Variants in BCKDHB observed in about 807,000 individuals in gnomAD.
BCKDHB encodes the protein 2-oxoisovalerate dehydrogenase subunit beta, mitochondrial.
Under a neutral mutation model 48.5 loss-of-function variants are expected in BCKDHB, and 41 were observed. The observed-to-expected ratio is 0.85, with a 90% CI of 0.66 to 1.10. The LOEUF (loss-of-function observed/expected upper bound fraction) is 1.10, where lower values mean the gene tolerates loss of function less well. Ranked by LOEUF, BCKDHB falls within the 50% of genes least tolerant of loss-of-function variation. The pLI, the probability that BCKDHB is intolerant of heterozygous loss-of-function variation, is 0.00. For synonymous variants in BCKDHB, 201 were observed against 174.8 expected (o/e 1.15, Z -1.18); for missense variants, 496 against 494.2 (o/e 1.00, Z -0.03).
intron 8 of BCKDHB, among the ~76,000 whole-genome samples, chr6:80,268,227 C>CA (rs1417090711): frequency 6.6e-6 from 1 of 151,940 alleles, no homozygotes; most frequent in Non-Finnish European, 1.5e-5. Flanking sequence ...GAAAACGTCT[C>CA]AAAAAATGTA....
intron 8 of BCKDHB, among the ~76,000 whole-genome samples, chr6:80,243,854 A>C (rs1245050610): frequency 1.3e-5 from 2 of 152,218 alleles, no homozygotes; most frequent in East Asian, 1.9e-4. Flanking sequence ...ACATTTAAAG[A>C]AATCTCACTT....
At chr6:80,295,477 A>G (rs1039465091) in intron 9 of BCKDHB, among the ~76,000 whole-genome samples, 1 of 151,936 alleles carries the variant, frequency 6.6e-6, no homozygotes, top group Non-Finnish European at 1.5e-5. Flanking sequence ...ACATGCCCCC[A>G]TGATTCACTT....
the BCKDHB span, among the ~76,000 whole-genome samples, chr6:80,425,219 T>C: frequency 6.6e-6 from 1 of 152,168 alleles, no homozygotes; most frequent in Non-Finnish European, 1.5e-5. Flanking sequence ...CTTAACTAGG[T>C]TGTATGTATA....
At chr6:80,235,849 G>C (rs1776126225) in intron 8 of BCKDHB, among the ~76,000 whole-genome samples, 2 of 152,196 alleles carry the variant, frequency 1.3e-5, no homozygotes, top group African/African-American at 4.8e-5. Context: ...TGACTGAGCA[G>C]TGAAACTTTG....
chr6:80,137,313 C>T (rs1016424589), intron 3 of BCKDHB, among the ~76,000 whole-genome samples: 2 of 152,164 alleles, frequency 1.3e-5, no homozygotes, highest in Admixed American at 1.3e-4. Flanking sequence ...ACTGACCTCT[C>T]AGAACTTTAG....
At chr6:80,425,787 G>C in the BCKDHB span, among the ~76,000 whole-genome samples, 1 of 152,104 alleles carries the variant, frequency 6.6e-6, no homozygotes, top group South Asian at 2.1e-4. Context: ...ATAATGTTGT[G>C]AAATGAAAAC....
chr6:80,207,532 GTAAT>G (rs900464864), intron 8 of BCKDHB, among the ~76,000 whole-genome samples: 1 of 151,708 alleles, frequency 6.6e-6, no homozygotes, highest in African/African-American at 2.4e-5. Flanking sequence ...AAATATAGAA[GTAAT>G]TAAATTAAAT....
At chr6:80,355,566 A>G in the BCKDHB span, 1 of 152,234 alleles carries the variant, frequency 6.6e-6, no homozygotes. Flanking sequence ...TAGCATAAAA[A>G]TTATAAAGTT....
chr6:80,421,439 T>G, the BCKDHB span, among the ~76,000 whole-genome samples: 4 of 152,152 alleles, frequency 2.6e-5, no homozygotes, highest in Non-Finnish European at 1.5e-5. Flanking sequence ...AAAGATAACC[T>G]GAAAAGGTGG....
chr6:80,225,670 A>G (rs1054105790), intron 8 of BCKDHB, among the ~76,000 whole-genome samples: 2 of 152,168 alleles, frequency 1.3e-5, no homozygotes, highest in Non-Finnish European at 2.9e-5. Flanking sequence ...AATTTCACAA[A>G]AATTCCATCA....
At position 80,273,182 on chromosome 6, in the gene BCKDHB, G is replaced by C. The variant is rs1233036680; in HGVS notation, c.999G>C (p.Leu333Phe). 6.2e-6 allele frequency: 10 copies of C among 1,613,582 alleles called. No homozygotes were observed. Among genetic ancestry groups the C allele is most frequent in the Non-Finnish European group, 8.5e-6 (10 of 1,179,670 alleles). Residue 333 changes from leucine (L) to phenylalanine (F), a missense_variant, in exon 9 of 10, where the codon TTG (leucine) becomes TTC (phenylalanine). Leu to Phe is a conservative substitution (Grantham distance 22, BLOSUM62 0). Coordinates refer to ENST00000320393, the MANE Select transcript of BCKDHB (RefSeq NM_183050.4). Reference protein sequence around the residue: ...GRLLISHEAPLTGGFASEISS... With the variant: ...GRLLISHEAPFTGGFASEISS... ...TGCTAATCAGTCACGAGGCTCCCTT[G>C]ACAGGCGGCTTTGCATCGGAAATCA...
chr6:80,353,015 A>G, the BCKDHB span, among the ~76,000 whole-genome samples: 29 of 152,340 alleles, frequency 1.9e-4, no homozygotes, highest in African/African-American at 6.5e-4. Context: ...CAGATAACAT[A>G]CATTGTACCC....
intron 8 of BCKDHB, among the ~76,000 whole-genome samples, chr6:80,203,939 AGT>A (rs1343928205): frequency 1.4e-5 from 2 of 143,588 alleles, no homozygotes; most frequent in Non-Finnish European, 3.0e-5. Flanking sequence ...TGTTTGTAAT[AGT>A]CTTATCAATT....
At chr6:80,407,254 T>C in the BCKDHB span, among the ~76,000 whole-genome samples, 1 of 152,208 alleles carries the variant, frequency 6.6e-6, no homozygotes, top group Admixed American at 6.5e-5. Flanking sequence ...TTTTGGTTAC[T>C]GTAGCCTTGT....
intron 6 of BCKDHB, among the ~76,000 whole-genome samples, chr6:80,194,379 A>AT (rs1164989592): frequency 6.6e-6 from 1 of 152,240 alleles, no homozygotes; most frequent in African/African-American, 2.4e-5. Flanking sequence ...ATACCAGGAC[A>AT]TTAGCATGGA....
chr6:80,465,088 T>G, the BCKDHB span, among the ~76,000 whole-genome samples: 1 of 152,288 alleles, frequency 6.6e-6, no homozygotes, highest in Non-Finnish European at 1.5e-5. Context: ...GCATTCCAGT[T>G]TGGGTCATTC....
At chr6:80,433,748 G>T in the BCKDHB span, among the ~76,000 whole-genome samples, 1 of 152,114 alleles carries the variant, frequency 6.6e-6, no homozygotes, top group Admixed American at 6.5e-5. Flanking sequence ...TTCGATGTCT[G>T]TCCTCTGGCT....
chr6:80,187,159 G>A (rs1773681486), intron 6 of BCKDHB, among the ~76,000 whole-genome samples: 1 of 152,054 alleles, frequency 6.6e-6, no homozygotes, highest in African/African-American at 2.4e-5. Flanking sequence ...CTCCATGTTG[G>A]TAATTTAGAT....
intron 9 of BCKDHB, among the ~76,000 whole-genome samples, chr6:80,331,915 G>A (rs905314197): frequency 2.0e-5 from 3 of 151,988 alleles, no homozygotes; most frequent in Non-Finnish European, 4.4e-5. Context: ...AAATCCTTGG[G>A]GGTTGGTTAT....
Sources: allele counts gnomAD v4.1 joint callset (sites outside exome capture counted in the v4.1 genomes callset), GRCh38; gene constraint gnomAD v4.1.1; transcripts MANE v1.5; gene names NCBI Gene and HGNC (gene_info 2026-07-23, HGNC 2026-07-21).